SLC35G2: variants seen among roughly 807,000 people sequenced by gnomAD.
SLC35G2 encodes solute carrier family 35 member G2, also known as transmembrane protein 22.
Under a neutral mutation model 27.2 loss-of-function variants are expected in SLC35G2, and 20 were observed. That is an observed-to-expected ratio of 0.74 (90% CI 0.52 to 1.07). SLC35G2 has a LOEUF of 1.07. Ranked by LOEUF, SLC35G2 falls within the 50% of genes least tolerant of loss-of-function variation. The pLI is 0.00. For missense variants in SLC35G2, 416 were observed against 493.3 expected (o/e 0.84, Z 1.48); for synonymous variants, 148 against 165.3 (o/e 0.90, Z 0.80).
intron 1 of SLC35G2, among the ~76,000 whole-genome samples, chr3:136,821,553 TCTC>T (rs1240025954): frequency 6.6e-6 from 1 of 152,134 alleles, no homozygotes; most frequent in African/African-American, 2.4e-5. Context: ...TTCAAGGGAT[TCTC>T]CTGCCTCAGC....
chr3:136,844,693 G>T (rs10935199), intron 1 of SLC35G2, among the ~76,000 whole-genome samples: 1 of 149,600 alleles, frequency 6.7e-6, no homozygotes, highest in African/African-American at 2.5e-5. Flanking sequence ...CCAGCTACTC[G>T]TGAGGCTGAG....
At chr3:136,836,586 C>T (rs1936877723) in intron 1 of SLC35G2, among the ~76,000 whole-genome samples, 1 of 152,138 alleles carries the variant, frequency 6.6e-6, no homozygotes. Flanking sequence ...AAAAAAGGCC[C>T]TTGGACTAAT....
chr3:136,828,259 G>T (rs768065571), intron 1 of SLC35G2, among the ~76,000 whole-genome samples: 23 of 152,214 alleles, frequency 1.5e-4, no homozygotes, highest in Non-Finnish European at 2.6e-4. Context: ...AGGTCCATTT[G>T]TTCTATATTG....
At chr3:136,824,300 AT>A (rs1936533312) in intron 1 of SLC35G2, among the ~76,000 whole-genome samples, 1 of 152,006 alleles carries the variant, frequency 6.6e-6, no homozygotes, top group African/African-American at 2.4e-5. Context: ...AAATCTATAG[AT>A]TGCTTTGGGT....
intron 1 of SLC35G2, among the ~76,000 whole-genome samples, chr3:136,852,296 C>T (rs1261638126): frequency 3.3e-5 from 5 of 151,986 alleles, no homozygotes; most frequent in Non-Finnish European, 7.4e-5. Context: ...ATATTTTTTT[C>T]ATGACTTCTT....
intron 1 of SLC35G2, among the ~76,000 whole-genome samples, chr3:136,840,951 G>A (rs1477617262): frequency 7.8e-6 from 1 of 128,958 alleles, no homozygotes; most frequent in African/African-American, 2.9e-5. Flanking sequence ...TTTCTTTTGA[G>A]ATAGGGTCTC....
Position 136,855,864 on chromosome 3 carries a change from A to C in SLC35G2, c.*165A>C. On this transcript the variant is annotated 3_prime_UTR_variant, in exon 2 of 2. Coordinates refer to ENST00000446465, the MANE Select transcript of SLC35G2 (RefSeq NM_025246.3). ...TTCTAGTCTAATATATTCAAATACA[A>C]ATATTAAATATATGAAATACGTTAT... 2 of 534,578 alleles carry C rather than the reference A, an allele frequency of 3.7e-6. No individual in the cohort carries two copies. The highest frequency in any genetic ancestry group is 6.6e-6 in the Non-Finnish European group (2 of 301,314). 33.1% of individuals were successfully genotyped at this position (534,578 alleles called of 1,614,324 possible).
At chr3:136,819,688 A>G (rs1936396699) in intron 1 of SLC35G2, 60 bp downstream of exon 1, 1 of 152,240 alleles carries the variant, frequency 6.6e-6, no homozygotes, top group Admixed American at 6.5e-5. Context: ...AAAAGGCTGG[A>G]TGATTTTAGA....
At chr3:136,832,720 CAAA>C (rs1936760632) in intron 1 of SLC35G2, among the ~76,000 whole-genome samples, 1 of 152,192 alleles carries the variant, frequency 6.6e-6, no homozygotes, top group Non-Finnish European at 1.5e-5. Flanking sequence ...TTCATAGAAA[CAAA>C]ATCCCCCTGA....
chr3:136,840,954 A>T (rs1937067760), intron 1 of SLC35G2, among the ~76,000 whole-genome samples: 1 of 123,314 alleles, frequency 8.1e-6, no homozygotes, highest in Non-Finnish European at 1.6e-5. Context: ...CTTTTGAGAT[A>T]GGGTCTCACT....
intron 1 of SLC35G2, among the ~76,000 whole-genome samples, chr3:136,852,580 T>C (rs1022632599): frequency 3.3e-5 from 5 of 150,762 alleles, no homozygotes; most frequent in African/African-American, 1.2e-4. Flanking sequence ...GCAACCTCCG[T>C]CTCCTGGGTT....
At chr3:136,844,162 A>G (rs1021796234) in intron 1 of SLC35G2, among the ~76,000 whole-genome samples, 2 of 152,174 alleles carry the variant, frequency 1.3e-5, no homozygotes, top group Non-Finnish European at 2.9e-5. Context: ...ACTGCACTCC[A>G]GCCTGGCGAC....
Position 136,855,486 on chromosome 3 carries a change from C to T in SLC35G2, c.1026C>T (p.Phe342=). ...GAGTTTATTATGCCTTGGACAAATTCCATCCAGCTTTGGTTAGCACAGTAC... is the reference window on the plus strand; with the variant it reads ...GAGTTTATTATGCCTTGGACAAATTTCATCCAGCTTTGGTTAGCACAGTAC... ...FLGVYYALDK[F]HPALVSTVQH... Residue 342 remains phenylalanine, a synonymous_variant, in exon 2 of 2, where the codon TTC becomes TTT. Transcript: ENST00000446465. 1 of 1,614,132 alleles carries T rather than the reference C, an allele frequency of 6.2e-7. No individual in the cohort carries two copies. Among genetic ancestry groups the T allele is most frequent in the African/African-American group, 1.3e-5 (1 of 75,034 alleles).
At chr3:136,844,260 C>A (rs984874326) in intron 1 of SLC35G2, among the ~76,000 whole-genome samples, 10 of 151,704 alleles carry the variant, frequency 6.6e-5, no homozygotes, top group African/African-American at 2.4e-4. Flanking sequence ...GAGGCCGAGG[C>A]GGGCGGATCA....
Position 136,855,334 on chromosome 3 carries a change from G to A in SLC35G2, c.874G>A (p.Gly292Ser). Reference sequence around the variant, plus strand: ...CATGTGGACTGCACTGTTTACTTTTGGTTGGACTGGGACAATTTGGGGAAT... The same window carrying A: ...CATGTGGACTGCACTGTTTACTTTTAGTTGGACTGGGACAATTTGGGGAAT... ...ISMWTALFTF[G>S]WTGTIWGIST... Residue 292 changes from glycine to serine, a missense_variant, in exon 2 of 2, where the codon GGT becomes AGT. Gly to Ser is a moderately conservative substitution (Grantham distance 56). Transcript: ENST00000446465. 1 of 1,614,164 alleles carries A rather than the reference G, an allele frequency of 6.2e-7. No homozygotes were observed. Among genetic ancestry groups the A allele is most frequent in the Non-Finnish European group, 8.5e-7 (1 of 1,180,030 alleles).
chr3:136,835,575 ATG>A (rs1936845648), intron 1 of SLC35G2, among the ~76,000 whole-genome samples: 1 of 152,208 alleles, frequency 6.6e-6, no homozygotes, highest in Non-Finnish European at 1.5e-5. Context: ...CTTTGAGGCT[ATG>A]TAAACATCTG....
intron 1 of SLC35G2, among the ~76,000 whole-genome samples, chr3:136,852,826 A>G (rs1360248666): frequency 2.6e-5 from 4 of 151,970 alleles, no homozygotes; most frequent in Non-Finnish European, 4.4e-5. Context: ...GGAGAGGATC[A>G]TTGGGAGGGA....
intron 1 of SLC35G2, chr3:136,841,705 T>G (rs1937104455): frequency 6.6e-6 from 1 of 151,662 alleles, no homozygotes; most frequent in South Asian, 2.1e-4. Flanking sequence ...CACTCCAGCC[T>G]GGGCAACAAG....
At chr3:136,827,324 C>G (rs1046846316) in intron 1 of SLC35G2, among the ~76,000 whole-genome samples, 5 of 151,890 alleles carry the variant, frequency 3.3e-5, no homozygotes, top group African/African-American at 1.2e-4. Flanking sequence ...AGTGATCTTT[C>G]TACCTCAGAC....
Sources: allele counts gnomAD v4.1 joint callset (sites outside exome capture counted in the v4.1 genomes callset), GRCh38; gene constraint gnomAD v4.1.1; transcripts MANE v1.5; gene names NCBI Gene and HGNC (gene_info 2026-07-23, HGNC 2026-07-21).